PPP6R2: variants seen among roughly 807,000 people sequenced by gnomAD.
PPP6R2 encodes the protein serine/threonine-protein phosphatase 6 regulatory subunit 2.
A neutral mutation model predicts 100.2 loss-of-function variants in PPP6R2; 62 were observed. That is an observed-to-expected ratio of 0.62 (90% CI 0.50 to 0.76). The LOEUF is 0.76. Ranked by LOEUF, PPP6R2 falls within the 30% of genes least tolerant of loss-of-function variation. The pLI, the probability that PPP6R2 is intolerant of heterozygous loss-of-function variation, is 0.00. For synonymous variants in PPP6R2, 525 were observed against 514.7 expected, an observed-to-expected ratio of 1.02 and a Z score of -0.27; for missense variants, 1,142 against 1,276.3, an observed-to-expected ratio of 0.89 and a Z score of 1.60.
At chr22:50,404,006 G>A (rs969974031) in intron 3 of PPP6R2, among the ~76,000 whole-genome samples, 5 of 152,132 alleles carry the variant, frequency 3.3e-5, no homozygotes, top group African/African-American at 1.2e-4. Flanking sequence ...ATGTTGGCAA[G>A]AGAAGGAAGG....
rs56269507 is a variant in PPP6R2, at chr22:50,443,909, G to A, written c.2623G>A (p.Ala875Thr). The A allele has an allele frequency of 0.024, 37,993 of 1,593,558 alleles. 526 individuals are homozygous for A. Among genetic ancestry groups the A allele is most frequent in the Non-Finnish European group, 0.028 (32,632 of 1,170,194 alleles). Residue 875 changes from alanine (A) to threonine (T), a missense_variant, in exon 23 of 24, where the codon GCG becomes ACG. Ala to Thr is a moderately conservative substitution (Grantham distance 58). This residue lies in a region of PPP6R2 where 550 missense variants were observed against 517.4 expected (regional missense o/e 1.06). Transcript: ENST00000612753. ...CCGGCTGTTAAGCCCTGCCTGCCCCGCGCCAAAGGAAGTGACTGCTGCCCC... is the reference window on the plus strand; with the variant it reads ...CCGGCTGTTAAGCCCTGCCTGCCCCACGCCAAAGGAAGTGACTGCTGCCCC... ...DSRLLSPACP[A>T]PKEVTAAPAV...
At chr22:50,351,065 A>T (rs536690949) in intron 1 of PPP6R2, among the ~76,000 whole-genome samples, 1 of 84,156 alleles carries the variant, frequency 1.2e-5, no homozygotes, top group East Asian at 4.8e-4. Context: ...TTTGAGACAG[A>T]GTTTCACTCT....
chr22:50,423,467 A>G lies in PPP6R2; in HGVS notation c.978A>G (p.Lys326=), dbSNP rs753913428. Residue 326 remains lysine, a synonymous_variant, in exon 10 of 24, where the codon AAA becomes AAG. Transcript: ENST00000612753. The surrounding 1 kb of genome is among the most constrained non-coding windows in gnomAD (Gnocchi z 4.8). ...HQLLLNPPKK[K]AILTTIGVLE... Reference sequence around the variant, plus strand: ...GGTGCCTTCTGTGTTTGCAGAAGAAAGCGATCCTGACCACCATTGGTGTGC... The same window carrying G: ...GGTGCCTTCTGTGTTTGCAGAAGAAGGCGATCCTGACCACCATTGGTGTGC... 1.5e-5 allele frequency: 25 copies of G among 1,614,182 alleles called. No individual in the cohort carries two copies. Among genetic ancestry groups the G allele is most frequent in the Non-Finnish European group, 1.9e-5 (22 of 1,180,034 alleles).
chr22:50,409,727 A>G (rs2059477987), intron 4 of PPP6R2, among the ~76,000 whole-genome samples: 1 of 151,840 alleles, frequency 6.6e-6, no homozygotes, highest in South Asian at 2.1e-4. Flanking sequence ...CGCCCGGCCG[A>G]CGATGATGAT....
chr22:50,336,993 T>G, the PPP6R2 span, among the ~76,000 whole-genome samples: 1 of 152,180 alleles, frequency 6.6e-6, no homozygotes. Flanking sequence ...ATAATATTTT[T>G]ATATCAAACT....
At chr22:50,392,296 G>C (rs1341808943) in intron 2 of PPP6R2, among the ~76,000 whole-genome samples, 1 of 147,320 alleles carries the variant, frequency 6.8e-6, no homozygotes, top group Non-Finnish European at 1.5e-5. Context: ...GAGCTCAGCA[G>C]TTCGAGGCCA....
chr22:50,432,121 G>A, intron 11 of PPP6R2, 144 bp from the exon 12 acceptor site: 1 of 717,522 alleles, frequency 1.4e-6, no homozygotes, highest in African/African-American at 1.8e-5. Flanking sequence ...GCGGAGGCTG[G>A]GGCTGTGCGT....
intron 2 of PPP6R2, among the ~76,000 whole-genome samples, chr22:50,374,910 T>TTA (rs2051115959): frequency 2.9e-5 from 1 of 34,738 alleles, no homozygotes; most frequent in Non-Finnish European, 4.5e-5. Flanking sequence ...AGACTCTGTC[T>TTA]CAAAAAAAAA....
chr22:50,393,751 T>A, intron 2 of PPP6R2, 142 bp from the exon 3 acceptor site: 1 of 1,478,406 alleles, frequency 6.8e-7, no homozygotes, highest in African/African-American at 1.4e-5. Context: ...ATGCTGCAGA[T>A]GGACTTCCAG....
chr22:50,367,958 A>C (rs918555702), intron 1 of PPP6R2, among the ~76,000 whole-genome samples: 7 of 152,194 alleles, frequency 4.6e-5, no homozygotes, highest in East Asian at 1.9e-4. Flanking sequence ...AGTGGCCTCC[A>C]ATGATAGATA....
At position 50,428,893 on chromosome 22, in the gene PPP6R2, G is replaced by A. The variant is rs186211849; in HGVS notation, c.1126-2280G>A. 4.0e-4 allele frequency among the ~76,000 whole-genome samples: 61 copies of A among 152,258 alleles called. No homozygotes were observed. The East Asian group carries it at 6.8e-3, about 17-fold the overall frequency. The stretch of plus-strand genomic sequence containing the variant: ...TGGTGAGAGTGGGCATCCTTGCCTC[G>A]CTCCTGATCTTAGAGAAGCTTTCAG... On this transcript the variant is annotated intron_variant, in intron 10 of 23. Coordinates refer to ENST00000612753, the MANE Select transcript of PPP6R2 (RefSeq NM_001242898.2).
At chr22:50,367,545 T>C (rs538835315) in intron 1 of PPP6R2, among the ~76,000 whole-genome samples, 1 of 152,212 alleles carries the variant, frequency 6.6e-6, no homozygotes, top group Non-Finnish European at 1.5e-5. Flanking sequence ...CCGTCTCTCC[T>C]ATGCTGTCAC....
At chr22:50,335,454 C>G in the PPP6R2 span, among the ~76,000 whole-genome samples, 1 of 151,974 alleles carries the variant, frequency 6.6e-6, no homozygotes, top group Admixed American at 6.6e-5. Context: ...CTCGGCCTCC[C>G]AAAGTGCTGG....
At chr22:50,352,312 C>T (rs533131147) in intron 1 of PPP6R2, among the ~76,000 whole-genome samples, 11 of 152,296 alleles carry the variant, frequency 7.2e-5, no homozygotes, top group Admixed American at 2.0e-4. Flanking sequence ...AAACAACCTC[C>T]GCTAGCTTCC....
chr22:50,416,037 T>C, intron 5 of PPP6R2, 55 bp from the exon 6 acceptor site: 3 of 1,507,282 alleles, frequency 2.0e-6, no homozygotes, highest in Non-Finnish European at 2.8e-6. Context: ...GAAAGGTTCC[T>C]GTTGTTTACT....
At position 50,431,160 on chromosome 22, in the gene PPP6R2, T is replaced by C. The variant is rs370087931; in HGVS notation, c.1126-13T>C. 2.3e-5 allele frequency: 37 copies of C among 1,594,900 alleles called. No individual in the cohort carries two copies. Among genetic ancestry groups the C allele is most frequent in the Non-Finnish European group, 2.9e-5 (34 of 1,163,386 alleles). Reference sequence around the variant, plus strand: ...CCGATCTAAGAACTGTCTTCTGTCCTCTGTTTACCCAGGACTTGTTCTTTA... The same window carrying C: ...CCGATCTAAGAACTGTCTTCTGTCCCCTGTTTACCCAGGACTTGTTCTTTA... On this transcript the variant is annotated splice_polypyrimidine_tract_variant and intron_variant, in intron 10 of 23. Transcript: ENST00000612753. The surrounding 1 kb of genome is among the most constrained non-coding windows in gnomAD (Gnocchi z 4.8).
intron 3 of PPP6R2, among the ~76,000 whole-genome samples, chr22:50,402,179 A>G (rs1273443062): frequency 6.6e-6 from 1 of 151,810 alleles, no homozygotes; most frequent in Non-Finnish European, 1.5e-5. Flanking sequence ...CATGGGGCTT[A>G]CTCACCACAG....
At chr22:50,339,976 T>C (rs1211669227), upstream of PPP6R2, among the ~76,000 whole-genome samples, 2 of 127,378 alleles carry the variant, frequency 1.6e-5, no homozygotes, top group Non-Finnish European at 3.3e-5. Flanking sequence ...GTGGTGTGTG[T>C]GGTATGTAGT....
intron 12 of PPP6R2, among the ~76,000 whole-genome samples, chr22:50,433,104 T>G (rs991572957): frequency 5.3e-5 from 8 of 152,262 alleles, no homozygotes; most frequent in African/African-American, 1.9e-4. Context: ...GGTAGTGAGG[T>G]TGGGGTGAGC....
Sources: allele counts gnomAD v4.1 joint callset (sites outside exome capture counted in the v4.1 genomes callset), GRCh38; gene constraint gnomAD v4.1.1; regional missense constraint gnomAD v4.1.1; non-coding constraint Gnocchi (gnomAD v3.1); transcripts MANE v1.5; gene names NCBI Gene and HGNC (gene_info 2026-07-23, HGNC 2026-07-21).